ENTR1: variants seen among roughly 807,000 people sequenced by gnomAD.
ENTR1 encodes endosome associated trafficking regulator 1, also known as endosome-associated-trafficking regulator 1.
ENTR1 carries 47 observed loss-of-function variants against 47.9 expected under a neutral mutation model. The observed-to-expected ratio is 0.98, with a 90% CI of 0.78 to 1.25. The LOEUF (loss-of-function observed/expected upper bound fraction) is 1.25. Among genes scored for constraint, ENTR1 ranks in the 50% most tolerant of loss-of-function variants. The pLI is 0.00. For synonymous variants in ENTR1, 290 were observed against 245.8 expected (o/e 1.18, Z -1.68); for missense variants, 668 against 570.5 (o/e 1.17, Z -1.74).
chr9:136,405,211 A>G lies in ENTR1; in HGVS notation c.894-9T>C, dbSNP rs762934685. ...GCTCAAGCGTCCTCACCCTTGTTAA[A>G]GAAAAACCCGAGTTGTTAATTTCTG... On this transcript the variant is annotated splice_polypyrimidine_tract_variant and intron_variant, in intron 6 of 9. Coordinates refer to ENST00000357365, the MANE Select transcript of ENTR1 (RefSeq NM_001039707.2). The G allele has an allele frequency of 3.7e-6, 6 of 1,607,022 alleles. No individual in the cohort carries two copies. Among genetic ancestry groups the G allele is most frequent in the African/African-American group, 1.3e-5 (1 of 74,932 alleles).
At chr9:136,407,729 G>A (rs1049698049) in intron 4 of ENTR1, 97 bp downstream of exon 4, 4 of 1,360,926 alleles carry the variant, frequency 2.9e-6, no homozygotes, top group Non-Finnish European at 4.1e-6. Context: ...ACGCCTGCCT[G>A]CTCTGCCACA....
At chr9:136,408,972 GAAGAA>G in intron 3 of ENTR1, 22 bp downstream of exon 3, 6 of 1,598,426 alleles carry the variant, frequency 3.8e-6, no homozygotes, top group Non-Finnish European at 4.3e-6. Flanking sequence ...ATGGAGACAA[GAAGAA>G]AAGGTTGCTG....
In ENTR1 at chr9:136,410,357, G is replaced by T; in HGVS notation, c.41C>A (p.Ser14Tyr). 1 of 1,505,642 alleles carries T rather than the reference G, an allele frequency of 6.6e-7. No individual in the cohort carries two copies. The highest frequency in any genetic ancestry group is 8.8e-7 in the Non-Finnish European group (1 of 1,131,698). 93.3% of individuals were successfully genotyped at this position (1,505,642 alleles called of 1,614,324 possible). The part of the protein sequence containing the change: ...YQRRPGATPL[S>Y]RARSLAIPDA... ...GGGAATGGCGAGGCTCCGGGCTCGG[G>T]ACAGCGGGGTGGCGCCCGGGCGGCG... Residue 14 changes from serine (S) to tyrosine (Y), a missense_variant, in exon 1 of 10, where the codon TCC (serine) becomes TAC (tyrosine). By Grantham distance (144) the Ser-to-Tyr change is moderately radical. Coordinates refer to ENST00000357365, the MANE Select transcript of ENTR1 (RefSeq NM_001039707.2).
rs374998650 is a variant in ENTR1, at chr9:136,405,501, C to T, written c.894-299G>A. 7.9e-5 allele frequency among the ~76,000 whole-genome samples: 12 copies of T among 152,336 alleles called. No individual in the cohort carries two copies. In the East Asian group the frequency reaches 2.3e-3, roughly 29 times the overall value. The stretch of plus-strand genomic sequence containing the variant: ...GCCTATAATCCCAACACTTTAGGAG[C>T]CTGAGGCAGGAGGATTCCTTGAGCC... On this transcript the variant is annotated intron_variant, in intron 6 of 9. Transcript: ENST00000357365.
intron 7 of ENTR1, 138 bp downstream of exon 7, chr9:136,404,953 G>A (rs1020422365): frequency 1.8e-5 from 13 of 737,650 alleles, no homozygotes; most frequent in Non-Finnish European, 2.7e-5. Context: ...AGACAGCGAC[G>A]TCAAAGAACA....
At position 136,407,899 on chromosome 9, in the gene ENTR1, G is replaced by A. The variant is rs753980660; in HGVS notation, c.329C>T (p.Ser110Phe). The change falls in exon 4 of 10, where the codon TCT becomes TTT. Residue 110 changes from serine (S) to phenylalanine (F), a missense_variant. Physicochemically the swap from Ser to Phe is radical, Grantham distance 155. Transcript: ENST00000357365. ...FEDLEEANPFSFREFLKTKNL... is the reference protein window; with the variant it reads ...FEDLEEANPFFFREFLKTKNL... ...CTTGGTCTTCAGAAACTCTCTAAAA[G>A]AGAATGGATTTGCCTCTTCCAGATC... 6.2e-7 allele frequency: 1 copy of A among 1,612,870 alleles called. No individual in the cohort carries two copies. The highest frequency in any genetic ancestry group is 8.5e-7 in the Non-Finnish European group (1 of 1,179,040).
At position 136,402,569 on chromosome 9, in the gene ENTR1, G is replaced by A. The variant is rs998442607; in HGVS notation, c.*219C>T. 18 of 418,836 alleles carry A rather than the reference G, an allele frequency of 4.3e-5. No individual in the cohort carries two copies. Among genetic ancestry groups the A allele is most frequent in the African/African-American group, 6.1e-5 (3 of 49,074 alleles). 25.9% of individuals were successfully genotyped at this position (418,836 alleles called of 1,614,324 possible). A position where few individuals can be genotyped will look rare whatever the true frequency, so the allele number is the denominator to read the frequency against. On this transcript the variant is annotated 3_prime_UTR_variant, in exon 10 of 10. Transcript: ENST00000357365. ...GAATCTATAAGATCGCAGGAATTTC[G>A]CCAAGAAGGGCTGCATAGAAACCAC...
At chr9:136,407,111 C>G in intron 5 of ENTR1, 34 bp downstream of exon 5, 4 of 1,551,792 alleles carry the variant, frequency 2.6e-6, no homozygotes, top group Non-Finnish European at 3.5e-6. Flanking sequence ...CTCGGACAGG[C>G]GCTGTGCCAG....
chr9:136,409,175 C>CTA (rs1701986800), intron 2 of ENTR1, 108 bp from the exon 3 acceptor site: 1 of 840,108 alleles, frequency 1.2e-6, no homozygotes, highest in East Asian at 2.6e-5. Context: ...TTCTCACAGT[C>CTA]TAGAGAACTT....
chr9:136,403,776 C>G (rs1300236032), intron 9 of ENTR1, among the ~76,000 whole-genome samples: 1 of 152,072 alleles, frequency 6.6e-6, no homozygotes, highest in African/African-American at 2.4e-5. Context: ...AGAGCTTCAG[C>G]GCCCACATGG....
intron 5 of ENTR1, 22 bp downstream of exon 5, chr9:136,407,123 G>A (rs1369720220): frequency 1.3e-6 from 2 of 1,564,922 alleles, no homozygotes; most frequent in African/African-American, 1.4e-5. Context: ...CTGTGCCAGA[G>A]GGCGCCGTGA....
At position 136,404,620 on chromosome 9, in the gene ENTR1, CCTTT is replaced by C; in HGVS notation, c.1068+7_1068+10del. On this transcript the variant is annotated splice_region_variant and intron_variant, in intron 8 of 9. Coordinates refer to ENST00000357365, the MANE Select transcript of ENTR1 (RefSeq NM_001039707.2). Reference sequence around the variant, plus strand: ...TCAAAGAAAAACACTGAAGTCCCTTCCTTTAATTACCTGGAGCAAACTGATTTCC... The same window carrying C: ...TCAAAGAAAAACACTGAAGTCCCTTCAATTACCTGGAGCAAACTGATTTCC... The C allele has an allele frequency of 6.2e-7, 1 of 1,613,184 alleles. No individual in the cohort carries two copies. Among genetic ancestry groups the C allele is most frequent in the Non-Finnish European group, 8.5e-7 (1 of 1,179,210 alleles).
Position 136,410,341 on chromosome 9 carries a change from G to A in ENTR1, c.57C>T (p.Leu19=), listed in dbSNP as rs1241846265. Residue 19 remains leucine, a synonymous_variant, in exon 1 of 10, where the codon CTC becomes CTT. Coordinates refer to ENST00000357365, the MANE Select transcript of ENTR1 (RefSeq NM_001039707.2). The part of the protein sequence containing the change: ...GATPLSRARS[L]AIPDAPAFYE... ...TGCCCCGCTCACCGTCGGGAATGGCGAGGCTCCGGGCTCGGGACAGCGGGG... is the reference window on the plus strand; with the variant it reads ...TGCCCCGCTCACCGTCGGGAATGGCAAGGCTCCGGGCTCGGGACAGCGGGG... The A allele has an allele frequency of 6.5e-6, 10 of 1,544,766 alleles. No homozygotes were observed. The highest frequency in any genetic ancestry group is 2.0e-5 in the Admixed American group (1 of 50,654).
chr9:136,410,155 A>T lies in ENTR1; in HGVS notation c.155T>A (p.Phe52Tyr). 1 of 1,612,336 alleles carries T rather than the reference A, an allele frequency of 6.2e-7. No individual in the cohort carries two copies. Among genetic ancestry groups the T allele is most frequent in the South Asian group, 1.1e-5 (1 of 90,944 alleles). The stretch of plus-strand genomic sequence containing the variant: ...GCACATAAAGGCCGGCCGAATGCCG[A>T]AGAAGGGGGAGTCCAGGTCCCTGCC... ...PHGRDLDSPF[F>Y]GIRPAFMCYV... Residue 52 changes from phenylalanine to tyrosine, a missense_variant, in exon 2 of 10, where the codon TTC (phenylalanine) becomes TAC (tyrosine). Coordinates refer to ENST00000357365, the MANE Select transcript of ENTR1 (RefSeq NM_001039707.2).
chr9:136,408,205 G>A (rs1348430226), intron 3 of ENTR1, among the ~76,000 whole-genome samples: 1 of 152,102 alleles, frequency 6.6e-6, no homozygotes, highest in Non-Finnish European at 1.5e-5. Context: ...CTCCCCTGGG[G>A]AGCTTTAAAA....
chr9:136,408,245 A>G (rs1834876939), intron 3 of ENTR1, among the ~76,000 whole-genome samples: 1 of 152,118 alleles, frequency 6.6e-6, no homozygotes, highest in South Asian at 2.1e-4. Flanking sequence ...GCACACACCC[A>G]GCTCCCTGGT....
Position 136,405,979 on chromosome 9 carries a change from C to T in ENTR1, c.820-1G>A. 6.2e-7 allele frequency: 1 copy of T among 1,606,816 alleles called. No individual in the cohort carries two copies. The highest frequency in any genetic ancestry group is 8.5e-7 in the Non-Finnish European group (1 of 1,176,718). On this transcript the variant is annotated splice_acceptor_variant, in intron 5 of 9. Coordinates refer to ENST00000357365, the MANE Select transcript of ENTR1 (RefSeq NM_001039707.2). LOFTEE classifies it high-confidence loss of function. ...TCAGCTTAGAATTTTCATCTTTCAGCTGTGGAGAGAGAACATCCTTATTAG... is the reference window on the plus strand; with the variant it reads ...TCAGCTTAGAATTTTCATCTTTCAGTTGTGGAGAGAGAACATCCTTATTAG...
At position 136,404,790 on chromosome 9, in the gene ENTR1, A is replaced by G. The variant is rs1387269543; in HGVS notation, c.1006-97T>C. 13 of 1,274,272 alleles carry G rather than the reference A, an allele frequency of 1.0e-5. 1 individual carries two copies. In the South Asian group the frequency reaches 1.2e-4, roughly 12 times the overall value. The allele number at this position is 1,274,272 out of a possible 1,614,324, so 78.9% of individuals were successfully genotyped here. A position where few individuals can be genotyped will look rare whatever the true frequency, so the allele number is the denominator to read the frequency against. ...AACCCAGGGAGCAGGAGGGCACCCAACCTGGCTGTGGCCCTTCACAGCCCC... is the reference window on the plus strand; with the variant it reads ...AACCCAGGGAGCAGGAGGGCACCCAGCCTGGCTGTGGCCCTTCACAGCCCC... On this transcript the variant is annotated intron_variant, in intron 7 of 9. Coordinates refer to ENST00000357365, the MANE Select transcript of ENTR1 (RefSeq NM_001039707.2).
intron 2 of ENTR1, 123 bp downstream of exon 2, chr9:136,409,967 C>T: frequency 8.2e-7 from 1 of 1,212,866 alleles, no homozygotes; most frequent in Non-Finnish European, 1.2e-6. Flanking sequence ...ATTCCGAGTG[C>T]CTGGCACGCA....
Sources: gnomAD v4.1 joint callset for allele counts (sites outside exome capture counted in the v4.1 genomes callset) on GRCh38, gnomAD v4.1.1 for gene constraint, MANE v1.5 for transcripts, NCBI Gene and HGNC (gene_info 2026-07-23, HGNC 2026-07-21) for gene names.